The following MPV17L variants were observed in gnomAD, a reference collection of about 807,000 sequenced individuals.
MPV17L encodes the protein MPV17 mitochondrial inner membrane protein like, also known as mpv17-like protein.
Under a neutral mutation model 25.8 loss-of-function variants are expected in MPV17L, and 24 were observed. That is an observed-to-expected ratio of 0.93 (90% CI 0.67 to 1.31). The LOEUF is 1.31. Ranked by LOEUF, MPV17L falls within the 50% of genes most tolerant of loss-of-function variation. MPV17L has a pLI of 0.00. For missense variants in MPV17L, 250 were observed against 265.6 expected, an observed-to-expected ratio of 0.94 and a Z score of 0.41; for synonymous variants, 102 against 115.3, an observed-to-expected ratio of 0.88 and a Z score of 0.74.
At chr16:15,402,460 G>T (rs1244593363) in intron 2 of MPV17L, among the ~76,000 whole-genome samples, 2 of 152,142 alleles carry the variant, frequency 1.3e-5, no homozygotes, top group Non-Finnish European at 2.9e-5. Flanking sequence ...CTGTTGGATG[G>T]TACCAGGCCC....
intron 2 of MPV17L, among the ~76,000 whole-genome samples, chr16:15,406,295 CAT>C (rs1334320676): frequency 4.6e-5 from 7 of 151,730 alleles, no homozygotes; most frequent in Admixed American, 1.3e-4. Context: ...TAAATATAAA[CAT>C]AAATATTATA....
chr16:15,403,752 G>A (rs958586351), intron 2 of MPV17L, among the ~76,000 whole-genome samples: 11 of 151,742 alleles, frequency 7.2e-5, no homozygotes, highest in Non-Finnish European at 1.3e-4. Flanking sequence ...AAAACCACAG[G>A]AACATTTGCA....
chr16:15,395,974 C>G lies in MPV17L; in HGVS notation c.77C>G (p.Ser26Trp), dbSNP rs1405199400. 2.0e-6 allele frequency: 3 copies of G among 1,513,020 alleles called. No homozygotes were observed. The highest frequency in any genetic ancestry group is 8.8e-7 in the Non-Finnish European group (1 of 1,138,644). The allele number at this position is 1,513,020 out of a possible 1,614,324, so 93.7% of individuals were successfully genotyped here. The change falls in exon 1 of 4, where the codon TCG becomes TGG. Residue 26 changes from serine (S) to tryptophan (W), a missense_variant. Ser to Trp is a radical substitution (Grantham distance 177, BLOSUM62 -3). Coordinates refer to ENST00000396385, the MANE Select transcript of MPV17L (RefSeq NM_001128423.2). ...CCCACCAACGTGCTGCTTTACGGCT[C>G]GCTCGTCTCGGCCGGGGACGCGCTG... is the stretch of plus-strand genomic sequence containing the variant. ...PWPTNVLLYG[S>W]LVSAGDALQQ... is the part of the protein sequence containing the mutation.
At position 15,402,138 on chromosome 16, in the gene MPV17L, T is replaced by C. The variant is rs116248915; in HGVS notation, c.381+1281T>C. On this transcript the variant is annotated intron_variant, in intron 2 of 3. Coordinates refer to ENST00000396385, the MANE Select transcript of MPV17L (RefSeq NM_001128423.2). ...TAGAGAAGGAGAAGGTTTCCAAGGG[T>C]TATTCCAAGGTTTGAAGCAAATCAG... 3.9e-3 allele frequency among the ~76,000 whole-genome samples: 588 copies of C among 152,208 alleles called. 6 individuals are homozygous for C. Among genetic ancestry groups the C allele is most frequent in the African/African-American group, 0.014 (569 of 41,542 alleles).
At position 15,413,044 on chromosome 16, in the gene MPV17L, A is replaced by C. The variant is rs1370555160; in HGVS notation, c.*4932A>C. 6.6e-6 allele frequency: 1 copy of C among 152,208 alleles called. No homozygotes were observed. The highest frequency in any genetic ancestry group is 1.9e-4 in the East Asian group (1 of 5,200). The allele number at this position is 152,208 out of a possible 1,614,324, so 9.4% of individuals were successfully genotyped here. On this transcript the variant is annotated 3_prime_UTR_variant, in exon 4 of 4. Coordinates refer to ENST00000396385, the MANE Select transcript of MPV17L (RefSeq NM_001128423.2). ...TTTAGTACAGTAAAATGTTATGTGA[A>C]TTTCTACAGAATGTTTGCTAGAATG...
intron 2 of MPV17L, among the ~76,000 whole-genome samples, chr16:15,402,127 G>A (rs1433255655): frequency 6.6e-6 from 1 of 152,134 alleles, no homozygotes; most frequent in Admixed American, 6.6e-5. Context: ...GAAGGAGAAG[G>A]TTTCCAAGGG....
Position 15,412,783 on chromosome 16 carries a change from T to A in MPV17L, c.*4671T>A, listed in dbSNP as rs1251385886. Reference sequence around the variant, plus strand: ...TTTTAGTAGAGTCGGGGTTTCACTGTGTTAGCCAGGATGGTCTCAACCTCC... The same window carrying A: ...TTTTAGTAGAGTCGGGGTTTCACTGAGTTAGCCAGGATGGTCTCAACCTCC... On this transcript the variant is annotated 3_prime_UTR_variant, in exon 4 of 4. Transcript: ENST00000396385. 1 of 151,442 alleles carries A rather than the reference T, an allele frequency of 6.6e-6. No homozygotes were observed. Among genetic ancestry groups the A allele is most frequent in the Non-Finnish European group, 1.5e-5 (1 of 67,900 alleles). The allele number at this position is 151,442 out of a possible 1,614,324, so 9.4% of individuals were successfully genotyped here.
In MPV17L at chr16:15,411,977, AG is replaced by A. The variant is rs1211975557; in HGVS notation, c.*3866del. The A allele has an allele frequency of 6.6e-6, 1 of 152,190 alleles. No individual in the cohort carries two copies. The highest frequency in any genetic ancestry group is 2.4e-5 in the African/African-American group (1 of 41,460). The allele number at this position is 152,190 out of a possible 1,614,324, so 9.4% of individuals were successfully genotyped here. A position where few individuals can be genotyped will look rare whatever the true frequency, so the allele number is the denominator to read the frequency against. On this transcript the variant is annotated 3_prime_UTR_variant, in exon 4 of 4. Transcript: ENST00000396385. ...ACCCTTTAGCTTTAAATAATGCAGA[AG>A]CATATGCCCAGTTTACTTGTAATTA...
intron 1 of MPV17L, among the ~76,000 whole-genome samples, chr16:15,399,906 G>A (rs189022463): frequency 5.2e-4 from 79 of 152,234 alleles, no homozygotes; most frequent in African/African-American, 1.8e-3. Flanking sequence ...CTGGGTTCAA[G>A]CGATCCTTCT....
At chr16:15,401,557 A>C (rs1204871989) in intron 2 of MPV17L, among the ~76,000 whole-genome samples, 4 of 152,222 alleles carry the variant, frequency 2.6e-5, no homozygotes, top group East Asian at 1.9e-4. Flanking sequence ...GCAGTGGCTC[A>C]TGCCTGTAAT....
At chr16:15,406,800 C>T (rs2050684520) in intron 2 of MPV17L, among the ~76,000 whole-genome samples, 1 of 151,842 alleles carries the variant, frequency 6.6e-6, no homozygotes, top group African/African-American at 2.4e-5. Flanking sequence ...GTGTCAGGCA[C>T]CTGTGATCCC....
At chr16:15,407,486 T>C (rs185335553) in intron 2 of MPV17L, among the ~76,000 whole-genome samples, 1 of 135,628 alleles carries the variant, frequency 7.4e-6, no homozygotes, top group East Asian at 2.1e-4. Flanking sequence ...CTCACACCTG[T>C]AATCCCAGCA....
intron 1 of MPV17L, among the ~76,000 whole-genome samples, chr16:15,398,707 C>T (rs1430656687): frequency 6.6e-6 from 1 of 151,482 alleles, no homozygotes; most frequent in Non-Finnish European, 1.5e-5. Context: ...TCCTGCCTCT[C>T]CTGCCCCTCC....
At position 15,412,430 on chromosome 16, in the gene MPV17L, T is replaced by C. The variant is rs1307516144; in HGVS notation, c.*4318T>C. Reference sequence around the variant, plus strand: ...GGGCAACAGAGCAAGACTGTGTCTATAAAAAAAAAAAAAAAGAAAGAAAAG... The same window carrying C: ...GGGCAACAGAGCAAGACTGTGTCTACAAAAAAAAAAAAAAAGAAAGAAAAG... On this transcript the variant is annotated 3_prime_UTR_variant, in exon 4 of 4. Coordinates refer to ENST00000396385, the MANE Select transcript of MPV17L (RefSeq NM_001128423.2). 7.1e-6 allele frequency: 1 copy of C among 141,494 alleles called. No homozygotes were observed. The highest frequency in any genetic ancestry group is 2.6e-5 in the African/African-American group (1 of 37,934). The allele number at this position is 141,494 out of a possible 1,614,324, so 8.8% of individuals were successfully genotyped here. A position where few individuals can be genotyped will look rare whatever the true frequency, so the allele number is the denominator to read the frequency against.
intron 1 of MPV17L, among the ~76,000 whole-genome samples, chr16:15,399,866 A>G (rs1433671092): frequency 1.3e-5 from 2 of 151,942 alleles, no homozygotes; most frequent in African/African-American, 4.8e-5. Flanking sequence ...GTGTAGTGGT[A>G]CAATCTTGGC....
Position 15,410,900 on chromosome 16 carries a change from A to G in MPV17L, c.*2788A>G, listed in dbSNP as rs1161302203. The G allele has an allele frequency of 6.6e-6, 1 of 152,226 alleles. No homozygotes were observed. Among genetic ancestry groups the G allele is most frequent in the Admixed American group, 6.5e-5 (1 of 15,282 alleles). 9.4% of individuals were successfully genotyped at this position (152,226 alleles called of 1,614,324 possible). ...GCTTTGTTGTAAAAGTAGTTAATAC[A>G]ATGGAAAAATGGTTTCGTAATAAGA... On this transcript the variant is annotated 3_prime_UTR_variant, in exon 4 of 4. Coordinates refer to ENST00000396385, the MANE Select transcript of MPV17L (RefSeq NM_001128423.2).
chr16:15,396,542 C>T (rs1346301324), intron 1 of MPV17L, among the ~76,000 whole-genome samples: 2 of 152,078 alleles, frequency 1.3e-5, no homozygotes, highest in Admixed American at 1.3e-4. Flanking sequence ...GTAGGCAGGG[C>T]TGCGGAGGTC....
At chr16:15,402,719 G>A (rs765437289) in intron 2 of MPV17L, among the ~76,000 whole-genome samples, 5 of 152,240 alleles carry the variant, frequency 3.3e-5, no homozygotes, top group Middle Eastern at 3.4e-3. Flanking sequence ...GTCTTGCTCC[G>A]TAGCCTAGGC....
At chr16:15,405,363 G>A (rs1032021074) in intron 2 of MPV17L, among the ~76,000 whole-genome samples, 5 of 147,368 alleles carry the variant, frequency 3.4e-5, no homozygotes, top group African/African-American at 1.0e-4. Flanking sequence ...GTGAGGCCTC[G>A]TCTGTATTAA....
Sources: allele counts gnomAD v4.1 joint callset (sites outside exome capture counted in the v4.1 genomes callset), GRCh38; gene constraint gnomAD v4.1.1; transcripts MANE v1.5; gene names NCBI Gene and HGNC (gene_info 2026-07-23, HGNC 2026-07-21).